AGK: variants seen among roughly 807,000 people sequenced by gnomAD.
AGK encodes acylglycerol kinase, mitochondrial.
In AGK, 52 loss-of-function variants were observed where a neutral mutation model predicts 66.4. The ratio of observed to expected loss-of-function variants is 0.78; its 90% CI spans 0.63 to 0.99. The LOEUF is 0.99. Ranked by LOEUF, AGK falls within the 50% of genes least tolerant of loss-of-function variation. The probability of loss-of-function intolerance (pLI) is 0.00; values close to 1 mark genes in which losing one functional copy is unlikely to be tolerated. For synonymous variants in AGK, 182 were observed against 181.1 expected (o/e 1.00, Z -0.04); for missense variants, 451 against 506.6 (o/e 0.89, Z 1.05).
intron 2 of AGK, among the ~76,000 whole-genome samples, chr7:141,569,560 A>G (rs1456755906): frequency 6.6e-6 from 1 of 152,158 alleles, no homozygotes; most frequent in Non-Finnish European, 1.5e-5. Context: ...AATAATAATA[A>G]TAGCTAATAC....
rs780005759 is a variant in AGK, at chr7:141,654,587, T to A, written c.*1663T>A. ...TACCATGGCTTTGCCAGCCAGTCATTAGCACCATTTACTTTTACTATCGCT... is the reference window on the plus strand; with the variant it reads ...TACCATGGCTTTGCCAGCCAGTCATAAGCACCATTTACTTTTACTATCGCT... On this transcript the variant is annotated 3_prime_UTR_variant, in exon 16 of 16. Transcript: ENST00000649286. 6.6e-6 allele frequency: 1 copy of A among 152,346 alleles called. No individual in the cohort carries two copies. Among genetic ancestry groups the A allele is most frequent in the South Asian group, 2.1e-4 (1 of 4,824 alleles). 9.4% of individuals were successfully genotyped at this position (152,346 alleles called of 1,614,324 possible). A position where few individuals can be genotyped will look rare whatever the true frequency, so the allele number is the denominator to read the frequency against.
At chr7:141,614,203 T>G in intron 7 of AGK, 25 bp downstream of exon 7, 1 of 1,476,392 alleles carries the variant, frequency 6.8e-7, no homozygotes, top group African/African-American at 1.5e-5. Context: ...GTAATTGCAT[T>G]TTAACTTTTA....
At chr7:141,629,648 T>C (rs949479270) in intron 9 of AGK, among the ~76,000 whole-genome samples, 3 of 152,182 alleles carry the variant, frequency 2.0e-5, no homozygotes, top group African/African-American at 7.2e-5. Context: ...TCACACATAT[T>C]CTGCCTTGCT....
rs367593006 is a variant in AGK at position 141,585,291 on chromosome 7, C to T, written c.102-7855C>T. On this transcript the variant is annotated intron_variant, in intron 2 of 15. Transcript: ENST00000649286. ...CCCATTATCTGTTTGGGTAGGGAGT[C>T]CGGGAAATGGGGAGGGCTATGCAAT... is the stretch of plus-strand genomic sequence containing the variant. 5.3e-5 allele frequency among the ~76,000 whole-genome samples: 8 copies of T among 152,232 alleles called. No individual in the cohort carries two copies. In the South Asian group the frequency reaches 1.2e-3, roughly 24 times the overall value.
At chr7:141,637,107 C>CCACATTCATCTGTAGCAAGGAAT in intron 11 of AGK, 90 bp downstream of exon 11, 1 of 1,045,568 alleles carries the variant, frequency 9.6e-7, no homozygotes, top group Non-Finnish European at 1.4e-6. Flanking sequence ...TAATTCCTTG[C>CCACATTCATCTGTAGCAAGGAAT]TACAGATGAA....
At chr7:141,625,131 C>G (rs1346620335) in intron 9 of AGK, among the ~76,000 whole-genome samples, 2 of 152,000 alleles carry the variant, frequency 1.3e-5, no homozygotes, top group Non-Finnish European at 2.9e-5. Flanking sequence ...AAGGTGCATA[C>G]TTTTTTTGAC....
chr7:141,556,626 T>G (rs1587054883), intron 2 of AGK, among the ~76,000 whole-genome samples: 3 of 152,152 alleles, frequency 2.0e-5, no homozygotes, highest in South Asian at 4.1e-4. Context: ...CTTAGTGATT[T>G]TGGGGCCCCA....
At chr7:141,587,464 T>C (rs1302540239) in intron 2 of AGK, among the ~76,000 whole-genome samples, 1 of 152,206 alleles carries the variant, frequency 6.6e-6, no homozygotes, top group African/African-American at 2.4e-5. Context: ...TCCAAATTAC[T>C]TAAATAGCTG....
At chr7:141,553,429 C>T (rs1489744716) in intron 1 of AGK, among the ~76,000 whole-genome samples, 1 of 152,188 alleles carries the variant, frequency 6.6e-6, no homozygotes, top group Non-Finnish European at 1.5e-5. Context: ...GCACCACCCC[C>T]TCAGCCCTAG....
intron 8 of AGK, among the ~76,000 whole-genome samples, chr7:141,619,983 C>T (rs1796789684): frequency 6.6e-6 from 1 of 152,114 alleles, no homozygotes; most frequent in South Asian, 2.1e-4. Flanking sequence ...CCAGTACATC[C>T]ATACAATGGA....
intron 2 of AGK, among the ~76,000 whole-genome samples, chr7:141,559,520 T>C (rs748431675): frequency 2.0e-5 from 3 of 152,196 alleles, no homozygotes; most frequent in Non-Finnish European, 4.4e-5. Flanking sequence ...TATTGCTTTG[T>C]AATATATTTT....
intron 9 of AGK, 59 bp from the exon 10 acceptor site, chr7:141,633,842 T>A: frequency 7.0e-7 from 1 of 1,420,018 alleles, no homozygotes; most frequent in Non-Finnish European, 1.0e-6. Flanking sequence ...AGTACTTAGA[T>A]GTAAAGAGTT....
chr7:141,623,205 C>T (rs1796861919), intron 9 of AGK, among the ~76,000 whole-genome samples: 1 of 151,734 alleles, frequency 6.6e-6, no homozygotes, highest in South Asian at 2.1e-4. Flanking sequence ...CATGGAGAAA[C>T]CCCATCTCTA....
At chr7:141,630,174 T>G (rs1797025851) in intron 9 of AGK, among the ~76,000 whole-genome samples, 1 of 152,214 alleles carries the variant, frequency 6.6e-6, no homozygotes, top group Non-Finnish European at 1.5e-5. Context: ...GGGGAAATGA[T>G]GCTAAAGACA....
chr7:141,629,010 G>A (rs188498010), intron 9 of AGK, among the ~76,000 whole-genome samples: 254 of 152,306 alleles, frequency 1.7e-3, no homozygotes, highest in African/African-American at 5.8e-3. Context: ...AGTTCATGGG[G>A]AGTTAGAACC....
At chr7:141,569,600 A>T (rs762761400) in intron 2 of AGK, among the ~76,000 whole-genome samples, 4 of 152,256 alleles carry the variant, frequency 2.6e-5, no homozygotes, top group Non-Finnish European at 5.9e-5. Flanking sequence ...TGCGAGGCAC[A>T]GTTCTGAGCA....
chr7:141,573,865 G>C (rs1795670103), intron 2 of AGK, among the ~76,000 whole-genome samples: 1 of 152,058 alleles, frequency 6.6e-6, no homozygotes, highest in South Asian at 2.1e-4. Context: ...TAGGGTACAT[G>C]TGCACAATGT....
intron 8 of AGK, among the ~76,000 whole-genome samples, chr7:141,617,859 T>C (rs1796741922): frequency 6.6e-6 from 1 of 152,224 alleles, no homozygotes; most frequent in Non-Finnish European, 1.5e-5. Flanking sequence ...TTCTTTCTGA[T>C]AGCTTTTTTC....
intron 2 of AGK, among the ~76,000 whole-genome samples, chr7:141,573,480 G>A (rs1254589602): frequency 6.6e-6 from 1 of 152,084 alleles, no homozygotes; most frequent in Non-Finnish European, 1.5e-5. Flanking sequence ...TGATTTTAAG[G>A]GAGTTTTATA....
Sources: gnomAD v4.1 joint callset for allele counts (sites outside exome capture counted in the v4.1 genomes callset) on GRCh38, gnomAD v4.1.1 for gene constraint, MANE v1.5 for transcripts, NCBI Gene and HGNC (gene_info 2026-07-23, HGNC 2026-07-21) for gene names.